The following UBE2U variants were observed in gnomAD, a reference collection of about 807,000 sequenced individuals.
UBE2U encodes the protein ubiquitin-conjugating enzyme E2 U.
In UBE2U, 39 loss-of-function variants were observed where a neutral mutation model predicts 41.2. The ratio of observed to expected loss-of-function variants is 0.95; its 90% confidence interval spans 0.73 to 1.24. The LOEUF (loss-of-function observed/expected upper bound fraction) is 1.24, where lower values mean the gene tolerates loss of function less well. Among genes scored for constraint, UBE2U ranks in the 50% most tolerant of loss-of-function variants. UBE2U has a pLI of 0.00. For missense variants in UBE2U, 336 were observed against 363.1 expected (o/e 0.93, Z 0.61); for synonymous variants, 107 against 117.8 (o/e 0.91, Z 0.60).
intron 6 of UBE2U, among the ~76,000 whole-genome samples, chr1:64,232,209 T>A (rs1644580465): frequency 6.6e-6 from 1 of 152,240 alleles, no homozygotes; most frequent in Non-Finnish European, 1.5e-5. Context: ...TTATTGTTTC[T>A]TATAGAATGA....
chr1:64,220,407 C>T (rs1325532293), intron 5 of UBE2U, among the ~76,000 whole-genome samples: 1 of 152,172 alleles, frequency 6.6e-6, no homozygotes. Context: ...TACTGTCCTC[C>T]AGTCCTGAGT....
At chr1:64,259,864 G>C (rs1416581785) in intron 8 of UBE2U, among the ~76,000 whole-genome samples, 1 of 151,908 alleles carries the variant, frequency 6.6e-6, no homozygotes, top group Non-Finnish European at 1.5e-5. Context: ...GTAGTGGGTT[G>C]AATCATGTCC....
intron 1 of UBE2U, among the ~76,000 whole-genome samples, chr1:64,205,225 T>A (rs1209527669): frequency 6.6e-6 from 1 of 152,240 alleles, no homozygotes; most frequent in Admixed American, 6.5e-5. Flanking sequence ...TTTTTCTTAA[T>A]GAAAATGTTC....
At chr1:64,228,772 C>T (rs1035990021) in intron 6 of UBE2U, among the ~76,000 whole-genome samples, 1 of 147,922 alleles carries the variant, frequency 6.8e-6, no homozygotes, top group Non-Finnish European at 1.5e-5. Context: ...TCACTGCAAC[C>T]TCTGCCTCTG....
chr1:64,206,894 GT>G lies in UBE2U; in HGVS notation c.241+39del, dbSNP rs746850600. On this transcript the variant is annotated intron_variant, in intron 3 of 9. Transcript: ENST00000371077. ...TGACATTTTTATCATTAGAGGCTTT[GT>G]CCCTATTATCCTTGTTTCTTATAAT... 8.5e-6 allele frequency: 10 copies of G among 1,172,558 alleles called. No individual in the cohort carries two copies. In the South Asian group the frequency reaches 1.3e-4, roughly 15 times the overall value. 72.6% of individuals were successfully genotyped at this position (1,172,558 alleles called of 1,614,324 possible). A position where few individuals can be genotyped will look rare whatever the true frequency, so the allele number is the denominator to read the frequency against.
At chr1:64,214,609 A>C (rs1294066295) in intron 4 of UBE2U, among the ~76,000 whole-genome samples, 1 of 152,200 alleles carries the variant, frequency 6.6e-6, no homozygotes, top group Non-Finnish European at 1.5e-5. Flanking sequence ...TTGATCTATC[A>C]CAGTTTTATA....
At chr1:64,242,206 C>T (rs1394117891) in intron 8 of UBE2U, among the ~76,000 whole-genome samples, 2 of 152,104 alleles carry the variant, frequency 1.3e-5, no homozygotes, top group South Asian at 2.1e-4. Context: ...TAGTAAAATA[C>T]AAACATAAAT....
intron 8 of UBE2U, among the ~76,000 whole-genome samples, chr1:64,256,540 T>C (rs1570144261): frequency 1.3e-5 from 2 of 152,148 alleles, no homozygotes; most frequent in Non-Finnish European, 1.5e-5. Flanking sequence ...ATTTAATAAA[T>C]GGTGCTGGGA....
chr1:64,260,812 G>T, intron 9 of UBE2U, 118 bp downstream of exon 9: 1 of 711,440 alleles, frequency 1.4e-6, no homozygotes, highest in East Asian at 3.0e-5. Context: ...TAATCCTTGT[G>T]TTCTCCTTTT....
chr1:64,206,325 C>G (rs1651293667), intron 2 of UBE2U, among the ~76,000 whole-genome samples: 1 of 151,862 alleles, frequency 6.6e-6, no homozygotes, highest in African/African-American at 2.4e-5. Context: ...GTTAATTATG[C>G]CTGAGGGAGT....
At chr1:64,214,610 C>T (rs1651866796) in intron 4 of UBE2U, among the ~76,000 whole-genome samples, 1 of 152,118 alleles carries the variant, frequency 6.6e-6, no homozygotes, top group Non-Finnish European at 1.5e-5. Context: ...TGATCTATCA[C>T]AGTTTTATAC....
chr1:64,236,677 G>A (rs145896712), intron 7 of UBE2U, among the ~76,000 whole-genome samples: 1 of 152,282 alleles, frequency 6.6e-6, no homozygotes, highest in Non-Finnish European at 1.5e-5. Context: ...ATGTTTGTTT[G>A]CTGTCATCAA....
At chr1:64,239,185 A>AAGG (rs1644785676) in intron 7 of UBE2U, among the ~76,000 whole-genome samples, 2 of 145,664 alleles carry the variant, frequency 1.4e-5, no homozygotes, top group Admixed American at 6.9e-5. Flanking sequence ...GAAGAAGAAG[A>AAGG]AGAAGAAAGC....
At chr1:64,221,451 T>A (rs1652459041) in intron 6 of UBE2U, among the ~76,000 whole-genome samples, 1 of 152,152 alleles carries the variant, frequency 6.6e-6, no homozygotes, top group Non-Finnish European at 1.5e-5. Context: ...GAGAAGAATG[T>A]ATTGTCAACA....
At chr1:64,252,268 G>T (rs975509512) in intron 8 of UBE2U, among the ~76,000 whole-genome samples, 12 of 152,250 alleles carry the variant, frequency 7.9e-5, no homozygotes, top group Admixed American at 6.5e-4. Context: ...TGGAGCTCCT[G>T]AGGGGAGGGG....
At chr1:64,265,899 A>C (rs115269467) in intron 9 of UBE2U, among the ~76,000 whole-genome samples, 81 of 152,234 alleles carry the variant, frequency 5.3e-4, no homozygotes, top group Non-Finnish European at 8.8e-4. Flanking sequence ...CTTTCTATAA[A>C]CCAAAGACAG....
intron 7 of UBE2U, among the ~76,000 whole-genome samples, chr1:64,239,097 A>AGGAAGG (rs1644739981): frequency 1.5e-4 from 1 of 6,532 alleles, no homozygotes; most frequent in African/African-American, 8.2e-4. Context: ...GAAGAGGAAG[A>AGGAAGG]AGAAGAAGAA....
chr1:64,230,852 T>G (rs1423145153), intron 6 of UBE2U, among the ~76,000 whole-genome samples: 1 of 152,214 alleles, frequency 6.6e-6, no homozygotes, highest in African/African-American at 2.4e-5. Flanking sequence ...AGTTTAAAAT[T>G]ATGTCTTCTA....
chr1:64,251,109 C>G (rs975820222), intron 8 of UBE2U, among the ~76,000 whole-genome samples: 9 of 150,776 alleles, frequency 6.0e-5, no homozygotes, highest in African/African-American at 2.2e-4. Context: ...CCCGCCCCCC[C>G]AAAAAAAGAA....
Sources: allele counts gnomAD v4.1 joint callset (sites outside exome capture counted in the v4.1 genomes callset), GRCh38; gene constraint gnomAD v4.1.1; transcripts MANE v1.5; gene names NCBI Gene and HGNC (gene_info 2026-07-23, HGNC 2026-07-21).